Variants in CSPG4 observed in about 807,000 individuals in gnomAD.
The protein encoded by CSPG4 is chondroitin sulfate proteoglycan 4, also known as chondroitin sulfate proteoglycan 4 (melanoma-associated).
CSPG4 carries 74 observed loss-of-function variants against 139.3 expected under a neutral mutation model. The observed-to-expected ratio is 0.53, with a 90% CI of 0.44 to 0.64. The LOEUF (loss-of-function observed/expected upper bound fraction) is 0.64. Among genes scored for constraint, CSPG4 ranks in the 30% least tolerant of loss-of-function variants. CSPG4 has a pLI of 0.00. For missense variants in CSPG4, 2,565 were observed against 3,148.3 expected, an observed-to-expected ratio of 0.81 and a Z score of 4.43; for synonymous variants, 1,234 against 1,394.2, an observed-to-expected ratio of 0.89 and a Z score of 2.56.
chr15:75,677,076 G>A lies in CSPG4; in HGVS notation c.5443C>T (p.Pro1815Ser). Residue 1815 changes from proline (P) to serine (S), a missense_variant, in exon 10 of 10, where the codon CCC becomes TCC. Pro to Ser is a moderately conservative substitution (Grantham distance 74). This residue lies in a region of CSPG4 where 2,316 missense variants were observed against 2,818.2 expected (regional missense o/e 0.82). Coordinates refer to ENST00000308508, the MANE Select transcript of CSPG4 (RefSeq NM_001897.5). Reference sequence around the variant, plus strand: ...ATGGCAAAGGCCTCTGAGGTTTGGGGTCCAGCCACGGAGGCCCCTGCTGGC... The same window carrying A: ...ATGGCAAAGGCCTCTGAGGTTTGGGATCCAGCCACGGAGGCCCCTGCTGGC... ...QGPAGASVAG[P>S]QTSEAFAITV... is the part of the protein sequence containing the mutation. 4.2e-6 allele frequency: 6 copies of A among 1,418,144 alleles called. No individual in the cohort carries two copies. The highest frequency in any genetic ancestry group is 5.6e-6 in the Non-Finnish European group (6 of 1,080,936). 87.8% of individuals were successfully genotyped at this position (1,418,144 alleles called of 1,614,324 possible).
intron 1 of CSPG4, among the ~76,000 whole-genome samples, chr15:75,709,048 G>A (rs2141442388): frequency 6.6e-6 from 1 of 152,288 alleles, no homozygotes; most frequent in Middle Eastern, 3.4e-3. Context: ...GTCCCTGAAG[G>A]TAAGAGCACA....
In CSPG4 at chr15:75,682,893, C is replaced by G. The variant is rs1216984107; in HGVS notation, c.4598G>C (p.Ser1533Thr). The G allele has an allele frequency of 1.9e-6, 3 of 1,610,756 alleles. No homozygotes were observed. The highest frequency in any genetic ancestry group is 2.5e-6 in the Non-Finnish European group (3 of 1,179,636). The change falls in exon 6 of 10, where the codon AGC becomes ACC. Residue 1533 changes from serine to threonine, a missense_variant. Physicochemically the swap from Ser to Thr is moderately conservative, Grantham distance 58 (BLOSUM62 1). Coordinates refer to ENST00000308508, the MANE Select transcript of CSPG4 (RefSeq NM_001897.5). ...GCCGTCCAGCTGGGCCTGCGTGAAG[C>G]TGCGCACCTCAGTGCCCGGCGCCCC... ...LRGAPGTEVR[S>T]FTQAQLDGGL...
chr15:75,681,340 C>T (rs1028250443), intron 8 of CSPG4, among the ~76,000 whole-genome samples: 10 of 136,962 alleles, frequency 7.3e-5, no homozygotes, highest in Admixed American at 6.9e-4. Flanking sequence ...GTGCCAGGCT[C>T]AGGAGTCCCT....
chr15:75,683,571 C>A (rs1437928917), intron 5 of CSPG4, among the ~76,000 whole-genome samples: 1 of 152,224 alleles, frequency 6.6e-6, no homozygotes, highest in Non-Finnish European at 1.5e-5. Flanking sequence ...TTCTGCAGCA[C>A]AGAATCAGCG....
In CSPG4 at chr15:75,676,276, C is replaced by G. The variant is rs530632612; in HGVS notation, c.6243G>C (p.Pro2081=). The stretch of plus-strand genomic sequence containing the variant: ...GGGGTCCCTCCAGGAGGCGGAAGCG[C>G]GGCACACTGCCTGTGCGGTTGGCCA... ...GELANRTGSV[P]RFRLLEGPRH... Residue 2081 remains proline (P), a synonymous_variant, in exon 10 of 10, where the codon CCG becomes CCC. Coordinates refer to ENST00000308508, the MANE Select transcript of CSPG4 (RefSeq NM_001897.5). 2.5e-6 allele frequency: 4 copies of G among 1,584,506 alleles called. No individual in the cohort carries two copies. Among genetic ancestry groups the G allele is most frequent in the Non-Finnish European group, 3.4e-6 (4 of 1,169,678 alleles).
chr15:75,709,957 T>C (rs1894426159), intron 1 of CSPG4, among the ~76,000 whole-genome samples: 1 of 151,814 alleles, frequency 6.6e-6, no homozygotes, highest in Admixed American at 6.5e-5. Flanking sequence ...CCTGCCCTGC[T>C]CCGGAGGCCT....
intron 9 of CSPG4, 97 bp from the exon 10 acceptor site, chr15:75,677,481 C>T (rs754484058): frequency 4.8e-5 from 64 of 1,325,212 alleles, no homozygotes; most frequent in Non-Finnish European, 5.2e-5. Flanking sequence ...GTGCCTCCCC[C>T]CAACCATCAA....
In CSPG4 at chr15:75,689,714, G is replaced by T. The variant is rs1596009433; in HGVS notation, c.1351C>A (p.His451Asn). The T allele has an allele frequency of 1.9e-6, 3 of 1,612,858 alleles. No individual in the cohort carries two copies. In the East Asian group the frequency reaches 6.7e-5, roughly 36 times the overall value. ...EGGTAWLEWR[H>N]VQPTLDLMEA... ...ATCAGGTCCAGCGTGGGCTGCACAT[G>T]CCTCCACTCAAGCCAGGCTGTGCCC... is the stretch of plus-strand genomic sequence containing the variant. The change falls in exon 3 of 10, where the codon CAT becomes AAT. Residue 451 changes from histidine to asparagine, a missense_variant. Physicochemically the swap from His to Asn is moderately conservative, Grantham distance 68. Coordinates refer to ENST00000308508, the MANE Select transcript of CSPG4 (RefSeq NM_001897.5).
rs375905611 is a variant in CSPG4 at position 75,702,422 on chromosome 15, G to C, written c.89-9189C>G. ...CTTGGGGTGCAAAGACACTCGCTGC[G>C]GCCCAGGGGGCTGTGCTGTTGTCAC... On this transcript the variant is annotated intron_variant, in intron 1 of 9. Transcript: ENST00000308508. 2.0e-4 allele frequency among the ~76,000 whole-genome samples: 30 copies of C among 152,362 alleles called. 1 individual carries two copies. Among genetic ancestry groups the C allele is most frequent in the African/African-American group, 7.2e-4 (30 of 41,586 alleles).
At chr15:75,684,668 C>A in intron 5 of CSPG4, 68 bp downstream of exon 5, 1 of 1,484,860 alleles carries the variant, frequency 6.7e-7, no homozygotes, top group Non-Finnish European at 9.2e-7. Flanking sequence ...GAGCTCTGAG[C>A]CGCGAAGTAG....
At chr15:75,681,398 G>T (rs1302947421) in intron 8 of CSPG4, among the ~76,000 whole-genome samples, 1 of 152,168 alleles carries the variant, frequency 6.6e-6, no homozygotes, top group Non-Finnish European at 1.5e-5. Context: ...TTTTTTGAAG[G>T]CTGGCAGGGG....
intron 1 of CSPG4, among the ~76,000 whole-genome samples, chr15:75,706,249 G>T (rs1894370206): frequency 6.6e-6 from 1 of 152,244 alleles, no homozygotes; most frequent in African/African-American, 2.4e-5. Context: ...TCTCCCCAGA[G>T]AGTGGACTGG....
chr15:75,678,491 T>G, intron 8 of CSPG4: 1 of 374,484 alleles, frequency 2.7e-6, no homozygotes. Flanking sequence ...TAGCGGGGAC[T>G]GCAGGCACAT....
At chr15:75,694,562 C>A (rs1894203195) in intron 1 of CSPG4, among the ~76,000 whole-genome samples, 1 of 152,346 alleles carries the variant, frequency 6.6e-6, no homozygotes, top group East Asian at 1.9e-4. Context: ...CAGCTGCCAT[C>A]CGCCTGAGTA....
intron 9 of CSPG4, 126 bp downstream of exon 9, chr15:75,677,577 C>T (rs1385297424): frequency 8.0e-7 from 1 of 1,257,144 alleles, no homozygotes; most frequent in Non-Finnish European, 1.1e-6. Flanking sequence ...CCCACTCACC[C>T]TCCCTGTGAC....
chr15:75,704,621 C>A (rs902227581), intron 1 of CSPG4, among the ~76,000 whole-genome samples: 17 of 152,164 alleles, frequency 1.1e-4, no homozygotes, highest in Non-Finnish European at 2.5e-4. Flanking sequence ...GGATCTTGCC[C>A]TGAGGGCTCA....
In CSPG4 at chr15:75,693,118, T is replaced by G. The variant is rs1566975846; in HGVS notation, c.204A>C (p.Ala68=). 2.9e-5 allele frequency: 45 copies of G among 1,555,500 alleles called. No homozygotes were observed. Among genetic ancestry groups the G allele is most frequent in the Non-Finnish European group, 2.7e-5 (31 of 1,143,912 alleles). The stretch of plus-strand genomic sequence containing the variant: ...GCAGCAGGAGGTGGTCAGCTGGGCC[T>G]GCTGCCAGGAGAAGGAGGGCTTCGG... ...SQPEALLLLA[A]GPADHLLLQL... The change falls in exon 2 of 10, where the codon GCA becomes GCC. Residue 68 remains alanine, a synonymous_variant. Coordinates refer to ENST00000308508, the MANE Select transcript of CSPG4 (RefSeq NM_001897.5).
rs1363559278 is a variant in CSPG4 at position 75,676,234 on chromosome 15, G to T, written c.6285C>A (p.Val2095=). Residue 2095 remains valine, a synonymous_variant, in exon 10 of 10, where the codon GTC becomes GTA. Transcript: ENST00000308508. ...LLEGPRHGRV[V]RVPRARTEPG... The stretch of plus-strand genomic sequence containing the variant: ...GCTCCGTCCTGGCTCGGGGCACGCG[G>T]ACCACGCGGCCATGCCGGGGTCCCT... 4 of 1,554,122 alleles carry T rather than the reference G, an allele frequency of 2.6e-6. No individual in the cohort carries two copies. In the Admixed American group the frequency reaches 5.8e-5, roughly 22 times the overall value.
chr15:75,693,961 G>T (rs1347576723), intron 1 of CSPG4, among the ~76,000 whole-genome samples: 1 of 152,256 alleles, frequency 6.6e-6, no homozygotes, highest in Non-Finnish European at 1.5e-5. Flanking sequence ...AACCAAAGTG[G>T]GCCCACACTT....
Sources: allele counts gnomAD v4.1 joint callset (sites outside exome capture counted in the v4.1 genomes callset), GRCh38; gene constraint gnomAD v4.1.1; regional missense constraint gnomAD v4.1.1; transcripts MANE v1.5; gene names NCBI Gene and HGNC (gene_info 2026-07-23, HGNC 2026-07-21).